ZNF385B: variants seen among roughly 807,000 people sequenced by gnomAD.
ZNF385B encodes the protein zinc finger protein 533.
ZNF385B carries 23 observed loss-of-function variants against 39.2 expected under a neutral mutation model. The ratio of observed to expected loss-of-function variants is 0.59; its 90% CI spans 0.42 to 0.83. ZNF385B has a LOEUF of 0.83. Among genes scored for constraint, ZNF385B ranks in the 40% least tolerant of loss-of-function variants. The probability of loss-of-function intolerance (pLI) is 0.00; values close to 1 mark genes in which losing one functional copy is unlikely to be tolerated. For synonymous variants in ZNF385B, 205 were observed against 222.6 expected (o/e 0.92, Z 0.70); for missense variants, 552 against 598.9 (o/e 0.92, Z 0.82).
At chr2:179,805,466 G>C (rs1449674087) in intron 1 of ZNF385B, among the ~76,000 whole-genome samples, 2 of 152,136 alleles carry the variant, frequency 1.3e-5, no homozygotes, top group Middle Eastern at 3.2e-3. Flanking sequence ...GGACAGGGTA[G>C]GTATTTCTTA....
At chr2:179,782,116 C>T (rs1466289778) in intron 1 of ZNF385B, among the ~76,000 whole-genome samples, 2 of 152,132 alleles carry the variant, frequency 1.3e-5, no homozygotes, top group Admixed American at 6.5e-5. Context: ...TCCAGCAGTA[C>T]TTCAAAAAGC....
Position 179,814,516 on chromosome 2 carries a change from A to G in ZNF385B, c.-154-43844T>C, listed in dbSNP as rs1351746398. On this transcript the variant is annotated intron_variant, in intron 1 of 9. Transcript: ENST00000410066. ...ATCATGTTTTTCTTCAGGAACAAGC[A>G]CATCATGGTTGTCTTGGGGACTGGC... 4.2e-6 allele frequency: 3 copies of G among 718,444 alleles called. No individual in the cohort carries two copies. The Admixed American group carries it at 6.5e-5, about 15-fold the overall frequency. 44.5% of individuals were successfully genotyped at this position (718,444 alleles called of 1,614,324 possible).
chr2:179,754,676 A>C (rs1214110599), intron 3 of ZNF385B, among the ~76,000 whole-genome samples: 1 of 152,198 alleles, frequency 6.6e-6, no homozygotes, highest in Non-Finnish European at 1.5e-5. Context: ...GTATGTGTCC[A>C]GGAATTTATC....
At position 179,861,434 on chromosome 2, in the gene ZNF385B, G is replaced by T. The variant is rs1227108377; in HGVS notation, c.-488C>A. ...CGTGTGCCCGGAGCCCGCTGGGCGC[G>T]CCCGGCCCGGCCCGGCCCCGCCGCA... On this transcript the variant is annotated 5_prime_UTR_variant, in exon 1 of 10. Coordinates refer to ENST00000410066, the MANE Select transcript of ZNF385B (RefSeq NM_152520.6). 2 of 150,808 alleles carry T rather than the reference G, an allele frequency of 1.3e-5. No homozygotes were observed. Among genetic ancestry groups the T allele is most frequent in the Non-Finnish European group, 3.0e-5 (2 of 67,586 alleles). The allele number at this position is 150,808 out of a possible 1,614,324, so 9.3% of individuals were successfully genotyped here.
chr2:179,651,911 G>A (rs768954571), intron 3 of ZNF385B, among the ~76,000 whole-genome samples: 161 of 152,088 alleles, frequency 1.1e-3, no homozygotes, highest in Non-Finnish European at 1.8e-3. Flanking sequence ...CTTTATCAGG[G>A]ACACCTTTTC....
At chr2:179,690,315 A>T (rs1252162634) in intron 3 of ZNF385B, among the ~76,000 whole-genome samples, 2 of 152,138 alleles carry the variant, frequency 1.3e-5, no homozygotes, top group Non-Finnish European at 2.9e-5. Context: ...CGGAAAAGTG[A>T]TCTAATTGTA....
rs576256636 is a variant in ZNF385B at position 179,576,814 on chromosome 2, C to T, written c.299-31845G>A. Among the ~76,000 whole-genome samples the T allele has an allele frequency of 3.3e-5, 5 of 152,224 alleles. No individual in the cohort carries two copies. In the South Asian group the frequency reaches 1.0e-3, roughly 32 times the overall value. The stretch of plus-strand genomic sequence containing the variant: ...GAGCTGTTTGGATCTCAGCTCTAAG[C>T]CATATCCACATGGGCTTATAAAATT... On this transcript the variant is annotated intron_variant, in intron 3 of 9. Transcript: ENST00000410066.
At chr2:179,808,236 G>T (rs1029566175) in intron 1 of ZNF385B, among the ~76,000 whole-genome samples, 4 of 152,102 alleles carry the variant, frequency 2.6e-5, no homozygotes, top group East Asian at 3.9e-4. Context: ...GTTTCACCGT[G>T]TTAGCCAGGA....
chr2:179,716,421 T>C (rs1455411881), intron 3 of ZNF385B, among the ~76,000 whole-genome samples: 3 of 152,208 alleles, frequency 2.0e-5, no homozygotes, highest in Admixed American at 6.5e-5. Flanking sequence ...TATTACAGGG[T>C]AATCTAGACA....
chr2:179,723,913 A>C (rs1047955454), intron 3 of ZNF385B, among the ~76,000 whole-genome samples: 2 of 152,208 alleles, frequency 1.3e-5, no homozygotes, highest in Non-Finnish European at 2.9e-5. Flanking sequence ...AGTAAAATCA[A>C]GGACTCACAA....
rs1322157764 is a variant in ZNF385B at position 179,442,268 on chromosome 2, T to C, written c.*982A>G. ...TTATTGCATTAGGGAGCCACAAAATTATGTAGCATCATTACAAATGAAAAC... is the reference window on the plus strand; with the variant it reads ...TTATTGCATTAGGGAGCCACAAAATCATGTAGCATCATTACAAATGAAAAC... On this transcript the variant is annotated 3_prime_UTR_variant, in exon 10 of 10. Transcript: ENST00000410066. The C allele has an allele frequency of 1.3e-5, 2 of 152,636 alleles. No individual in the cohort carries two copies. The highest frequency in any genetic ancestry group is 4.8e-5 in the African/African-American group (2 of 41,452). 9.5% of individuals were successfully genotyped at this position (152,636 alleles called of 1,614,324 possible). A position where few individuals can be genotyped will look rare whatever the true frequency, so the allele number is the denominator to read the frequency against.
intron 3 of ZNF385B, among the ~76,000 whole-genome samples, chr2:179,671,719 G>C (rs1243237199): frequency 6.6e-6 from 1 of 152,184 alleles, no homozygotes; most frequent in Non-Finnish European, 1.5e-5. Flanking sequence ...TCAAGGCTCT[G>C]CCACCTGCAC....
intron 3 of ZNF385B, among the ~76,000 whole-genome samples, chr2:179,686,598 C>A (rs536175107): frequency 1.3e-5 from 2 of 152,164 alleles, no homozygotes; most frequent in Admixed American, 1.3e-4. Context: ...ATGTGAATGA[C>A]TGGTCGGCAG....
At chr2:179,683,153 C>T (rs755962878) in intron 3 of ZNF385B, among the ~76,000 whole-genome samples, 3 of 151,988 alleles carry the variant, frequency 2.0e-5, no homozygotes, top group African/African-American at 7.2e-5. Context: ...TTTGGGAGGC[C>T]GAGGCGGGCG....
At chr2:179,542,793 T>G (rs1055173723) in intron 4 of ZNF385B, among the ~76,000 whole-genome samples, 1 of 152,152 alleles carries the variant, frequency 6.6e-6, no homozygotes, top group Non-Finnish European at 1.5e-5. Flanking sequence ...TTTAGGTATA[T>G]GTATAACATA....
chr2:179,610,573 T>G (rs1350505984), intron 3 of ZNF385B, among the ~76,000 whole-genome samples: 1 of 152,196 alleles, frequency 6.6e-6, no homozygotes, highest in Non-Finnish European at 1.5e-5. Flanking sequence ...TTAGGATAGT[T>G]TTTCTATTTC....
chr2:179,526,425 A>G (rs1026041319), intron 4 of ZNF385B, among the ~76,000 whole-genome samples: 5 of 151,708 alleles, frequency 3.3e-5, no homozygotes, highest in African/African-American at 4.8e-5. Context: ...CCCTGTCTCT[A>G]CTAAAAAAAA....
intron 3 of ZNF385B, among the ~76,000 whole-genome samples, chr2:179,602,852 C>T (rs1558968137): frequency 6.6e-6 from 1 of 152,084 alleles, no homozygotes; most frequent in African/African-American, 2.4e-5. Flanking sequence ...ACATGCATTG[C>T]CACAGGTATG....
chr2:179,647,955 G>T (rs1428626274), intron 3 of ZNF385B, among the ~76,000 whole-genome samples: 4 of 152,112 alleles, frequency 2.6e-5, no homozygotes, highest in African/African-American at 7.2e-5. Context: ...CACCATGGGG[G>T]TGGGGGACCC....
Sources: allele counts gnomAD v4.1 joint callset (sites outside exome capture counted in the v4.1 genomes callset), GRCh38; gene constraint gnomAD v4.1.1; transcripts MANE v1.5; gene names NCBI Gene and HGNC (gene_info 2026-07-23, HGNC 2026-07-21).